The following CHEK1 variants were observed in gnomAD, a reference collection of about 807,000 sequenced individuals.
The protein encoded by CHEK1 is serine/threonine-protein kinase Chk1.
Under a neutral mutation model 60.2 loss-of-function variants are expected in CHEK1, and 32 were observed. That is an observed-to-expected ratio of 0.53 (90% CI 0.40 to 0.71). The LOEUF is 0.71. Among genes scored for constraint, CHEK1 ranks in the 30% least tolerant of loss-of-function variants. The pLI is 0.00. For missense variants in CHEK1, 399 were observed against 564.6 expected (o/e 0.71, Z 2.97); for synonymous variants, 179 against 187.2 (o/e 0.96, Z 0.36).
In CHEK1 at chr11:125,654,331, C is replaced by CA. The variant is rs537986124; in HGVS notation, c.1335+492dup. Among the ~76,000 whole-genome samples, 235 of 150,356 alleles carry CA rather than the reference C, an allele frequency of 1.6e-3. 1 individual carries two copies. The highest frequency in any genetic ancestry group is 2.3e-3 in the Non-Finnish European group (153 of 67,612). ...GGTGACAATACAAGAGACTCTGTCT[C>CA]AAAAAAAAGAAATTTCTGCTTTTGT... On this transcript the variant is annotated intron_variant, in intron 12 of 12. Transcript: ENST00000438015.
chr11:125,653,634 A>C lies in CHEK1; in HGVS notation c.1234-112A>C, dbSNP rs188208039. ...CAGTAGTGGGATTGCTGGAACATAT[A>C]GGTAGTTTTATTTGTAGTTTTTTGA... On this transcript the variant is annotated intron_variant, in intron 11 of 12. Coordinates refer to ENST00000438015, the MANE Select transcript of CHEK1 (RefSeq NM_001114122.3). The surrounding 1 kb of genome is among the most constrained non-coding windows in gnomAD (Gnocchi z 4.3). 1.1e-5 allele frequency: 7 copies of C among 654,690 alleles called. 1 individual carries two copies. The Admixed American group carries it at 2.1e-4, about 20-fold the overall frequency. 40.6% of individuals were successfully genotyped at this position (654,690 alleles called of 1,614,324 possible).
At chr11:125,644,356 T>C (rs1941420765) in intron 10 of CHEK1, 88 bp downstream of exon 10, 2 of 1,462,766 alleles carry the variant, frequency 1.4e-6, no homozygotes, top group Non-Finnish European at 1.8e-6. Flanking sequence ...ATCTTAGATA[T>C]ATAACTTTTA....
chr11:125,678,333 G>A, downstream of CHEK1: 1 of 1,601,194 alleles, frequency 6.2e-7, no homozygotes, highest in Non-Finnish European at 8.5e-7. Flanking sequence ...AGTTGGTGAA[G>A]CTGACAGAAT....
At position 125,629,412 on chromosome 11, in the gene CHEK1, A is replaced by G. The variant is rs112275638; in HGVS notation, c.376A>G (p.Ile126Val). 7 of 1,613,972 alleles carry G rather than the reference A, an allele frequency of 4.3e-6. No individual in the cohort carries two copies. Among genetic ancestry groups the G allele is most frequent in the Non-Finnish European group, 5.9e-6 (7 of 1,179,890 alleles). Residue 126 changes from isoleucine (I) to valine (V), a missense_variant, in exon 5 of 13, where the codon ATA becomes GTA. Physicochemically the swap from Ile to Val is conservative, Grantham distance 29 (BLOSUM62 3). Around this residue, in one of 2 missense-constraint regions of CHEK1, gnomAD observed 370 missense variants for 494.8 expected, o/e 0.75. Coordinates refer to ENST00000438015, the MANE Select transcript of CHEK1 (RefSeq NM_001114122.3). ...AGVVYLHGIG[I>V]THRDIKPENL... ...TTAGGTTTATCTGCATGGTATTGGA[A>G]TAACTCACAGGGATATTAAACCAGA...
intron 12 of CHEK1, among the ~76,000 whole-genome samples, chr11:125,654,557 AT>A (rs1262141016): frequency 6.6e-6 from 1 of 152,016 alleles, no homozygotes; most frequent in African/African-American, 2.4e-5. Context: ...TTATGCATAG[AT>A]TTTTTTGTTC....
chr11:125,629,065 A>T (rs1044777607), intron 3 of CHEK1, among the ~76,000 whole-genome samples, 167 bp from the exon 4 acceptor site: 8 of 152,198 alleles, frequency 5.3e-5, no homozygotes, highest in African/African-American at 1.9e-4. Context: ...AACACAGGTA[A>T]ATGTGAGTTA....
At position 125,643,803 on chromosome 11, in the gene CHEK1, C is replaced by T; in HGVS notation, c.826C>T (p.Pro276Ser). ...NKPLKKGAKR[P>S]RVTSGGVSES... The stretch of plus-strand genomic sequence containing the variant: ...GTTTTCTTTTTTAGGGGCAAAAAGG[C>T]CCCGAGTCACTTCAGGTGGTGTGTC... Residue 276 changes from proline to serine, a missense_variant, in exon 9 of 13, where the codon CCC (proline) becomes TCC (serine). Transcript: ENST00000438015. 1 of 1,613,274 alleles carries T rather than the reference C, an allele frequency of 6.2e-7. No individual in the cohort carries two copies. The highest frequency in any genetic ancestry group is 8.5e-7 in the Non-Finnish European group (1 of 1,179,776).
rs1364017810 is a variant in CHEK1 at position 125,625,882 on chromosome 11, A to G, written c.-151A>G. The G allele has an allele frequency of 4.3e-6, 3 of 702,554 alleles. No homozygotes were observed. The Admixed American group carries it at 6.0e-5, about 14-fold the overall frequency. 43.5% of individuals were successfully genotyped at this position (702,554 alleles called of 1,614,324 possible). ...TGGAGCCGCCGACATTCAGAGGGGC[A>G]GGACACGGGAACGCGCGCTGTCTTG... On this transcript the variant is annotated 5_prime_UTR_variant, in exon 1 of 13. Transcript: ENST00000438015.
At position 125,656,621 on chromosome 11, in the gene CHEK1, T is replaced by G; in HGVS notation, c.*1301T>G. On this transcript the variant is annotated 3_prime_UTR_variant, in exon 13 of 13. Coordinates refer to ENST00000438015, the MANE Select transcript of CHEK1 (RefSeq NM_001114122.3). ...TGAGAATTATCTGAGTCATTAATAT[T>G]TTTCAAAAACAGCTCTCACTGACTT... is the stretch of plus-strand genomic sequence containing the variant. The G allele has an allele frequency of 4.7e-6, 1 of 214,122 alleles. No homozygotes were observed. Among genetic ancestry groups the G allele is most frequent in the East Asian group, 7.0e-5 (1 of 14,366 alleles). The allele number at this position is 214,122 out of a possible 1,614,324, so 13.3% of individuals were successfully genotyped here. A position where few individuals can be genotyped will look rare whatever the true frequency, so the allele number is the denominator to read the frequency against.
intron 13 of CHEK1, among the ~76,000 whole-genome samples, chr11:125,664,923 C>G (rs999715202): frequency 2.6e-5 from 4 of 152,106 alleles, no homozygotes; most frequent in Admixed American, 1.3e-4. Flanking sequence ...ACATTTAGAA[C>G]TTTAATTCAT....
intron 5 of CHEK1, among the ~76,000 whole-genome samples, chr11:125,631,738 G>T (rs1156308503): frequency 6.6e-6 from 1 of 151,514 alleles, no homozygotes; most frequent in Non-Finnish European, 1.5e-5. Flanking sequence ...CACACCTGGA[G>T]TCCCAGCTAC....
At position 125,656,620 on chromosome 11, in the gene CHEK1, T is replaced by C. The variant is rs535067031; in HGVS notation, c.*1300T>C. ...TTGAGAATTATCTGAGTCATTAATA[T>C]TTTTCAAAAACAGCTCTCACTGACT... On this transcript the variant is annotated 3_prime_UTR_variant, in exon 13 of 13. Coordinates refer to ENST00000438015, the MANE Select transcript of CHEK1 (RefSeq NM_001114122.3). 1 of 213,920 alleles carries C rather than the reference T, an allele frequency of 4.7e-6. No homozygotes were observed. The highest frequency in any genetic ancestry group is 9.4e-6 in the Non-Finnish European group (1 of 105,888). 13.3% of individuals were successfully genotyped at this position (213,920 alleles called of 1,614,324 possible). A position where few individuals can be genotyped will look rare whatever the true frequency, so the allele number is the denominator to read the frequency against.
At chr11:125,644,027 A>T in intron 9 of CHEK1, 64 bp from the exon 10 acceptor site, 1 of 1,565,336 alleles carries the variant, frequency 6.4e-7, no homozygotes. Flanking sequence ...TGTGTGTGAT[A>T]TAAGAAAGGC....
At position 125,650,272 on chromosome 11, in the gene CHEK1, G is replaced by A. The variant is rs548622716; in HGVS notation, c.1234-3474G>A. Among the ~76,000 whole-genome samples, 52 of 151,402 alleles carry A rather than the reference G, an allele frequency of 3.4e-4. No homozygotes were observed. The South Asian group carries it at 0.01, about 30-fold the overall frequency. On this transcript the variant is annotated intron_variant, in intron 11 of 12. Transcript: ENST00000438015. ...ATTCTTCTTTCTTTATGTTTCTCAG[G>A]GACAGTTTTGGTTGCTGTTTTTCCT...
chr11:125,630,869 A>G (rs3731404), intron 5 of CHEK1, among the ~76,000 whole-genome samples: 4 of 152,208 alleles, frequency 2.6e-5, no homozygotes, highest in African/African-American at 7.2e-5. Flanking sequence ...GTCTGTCAAC[A>G]ATAAATTATG....
At chr11:125,678,903 A>T (rs1393612314), downstream of CHEK1, among the ~76,000 whole-genome samples, 1 of 147,766 alleles carries the variant, frequency 6.8e-6, no homozygotes, top group East Asian at 2.0e-4. Context: ...TCAATCCCCA[A>T]TCCATGTGGG....
At chr11:125,677,820 G>T, downstream of CHEK1, 1 of 1,614,104 alleles carries the variant, frequency 6.2e-7, no homozygotes, top group South Asian at 1.1e-5. Context: ...TGAAATTGGT[G>T]CACCTGAAGC....
At chr11:125,643,714 C>T (rs1052018534) in intron 8 of CHEK1, 78 bp from the exon 9 acceptor site, 2 of 1,066,560 alleles carry the variant, frequency 1.9e-6, no homozygotes, top group Non-Finnish European at 2.7e-6. Context: ...TTTACTTCTT[C>T]AAGTTGCCAG....
downstream of CHEK1, chr11:125,676,294 G>A (rs959259758): frequency 1.2e-4 from 190 of 1,581,070 alleles, 4 homozygotes; most frequent in South Asian, 2.0e-3. Context: ...CATTCCAACT[G>A]CCCCCTACCA....
Sources: allele counts gnomAD v4.1 joint callset (sites outside exome capture counted in the v4.1 genomes callset), GRCh38; gene constraint gnomAD v4.1.1; regional missense constraint gnomAD v4.1.1; non-coding constraint Gnocchi (gnomAD v3.1); transcripts MANE v1.5; gene names NCBI Gene and HGNC (gene_info 2026-07-23, HGNC 2026-07-21).